Variants in WASF3 observed in about 807,000 individuals in gnomAD.
WASF3 encodes WASP family member 3.
Under a neutral mutation model 46.6 loss-of-function variants are expected in WASF3, and 11 were observed. The ratio of observed to expected loss-of-function variants is 0.24; its 90% CI spans 0.15 to 0.39. The LOEUF is 0.39. WASF3 is among the 10% of genes least tolerant of loss of function. The pLI, the probability that WASF3 is intolerant of heterozygous loss-of-function variation, is 1.00. For missense variants in WASF3, 576 were observed against 669.8 expected (o/e 0.86, Z 1.55); for synonymous variants, 242 against 259.7 (o/e 0.93, Z 0.65).
intron 7 of WASF3, among the ~76,000 whole-genome samples, chr13:26,677,310 T>C (rs1372198904): frequency 6.6e-6 from 1 of 152,256 alleles, no homozygotes; most frequent in African/African-American, 2.4e-5. Context: ...AATGATGTGG[T>C]CATTAAGTCA....
In WASF3 at chr13:26,676,700, A is replaced by G. The variant is rs867486697; in HGVS notation, c.692A>G (p.Glu231Gly). 9 of 1,614,054 alleles carry G rather than the reference A, an allele frequency of 5.6e-6. No homozygotes were observed. The Middle Eastern group carries it at 1.3e-3, about 237-fold the overall frequency. The change falls in exon 7 of 10, where the codon GAG (glutamate) becomes GGG (glycine). Residue 231 changes from glutamate to glycine, a missense_variant. This residue lies in a region of WASF3 where 295 missense variants were observed against 291.5 expected (regional missense o/e 1.01). Coordinates refer to ENST00000335327, the MANE Select transcript of WASF3 (RefSeq NM_006646.6). ...SQSVYHGASS[E>G]GSLSPDTRSH... ...AGTGTGTACCATGGAGCGTCTTCCGAGGGATCCCTGTCCCCAGATACTAGG... is the reference window on the plus strand; with the variant it reads ...AGTGTGTACCATGGAGCGTCTTCCGGGGGATCCCTGTCCCCAGATACTAGG...
chr13:26,617,115 AT>A (rs1280884493), intron 2 of WASF3, among the ~76,000 whole-genome samples: 9 of 152,276 alleles, frequency 5.9e-5, no homozygotes, highest in African/African-American at 2.2e-4. Context: ...TTAAATATGC[AT>A]TCTCACATCT....
chr13:26,554,034 T>TC (rs1879027902), upstream of WASF3, among the ~76,000 whole-genome samples: 2 of 56,298 alleles, frequency 3.6e-5, no homozygotes, highest in Admixed American at 2.1e-4. Flanking sequence ...TCCTTCTTTC[T>TC]CTTTCTTTCC....
intron 2 of WASF3, among the ~76,000 whole-genome samples, chr13:26,626,921 G>A (rs899358260): frequency 6.6e-6 from 1 of 152,150 alleles, no homozygotes; most frequent in Non-Finnish European, 1.5e-5. Flanking sequence ...TATTGTTGAC[G>A]TCTTCAACAA....
intron 1 of WASF3, among the ~76,000 whole-genome samples, chr13:26,585,241 C>T (rs1179395329): frequency 6.8e-6 from 1 of 146,362 alleles, no homozygotes; most frequent in Non-Finnish European, 1.6e-5. Context: ...GATGGAAATC[C>T]AGATGGTATA....
the WASF3 span, among the ~76,000 whole-genome samples, chr13:26,539,904 A>G: frequency 6.6e-6 from 1 of 152,112 alleles, no homozygotes; most frequent in Non-Finnish European, 1.5e-5. Context: ...GTTACCTTCT[A>G]CAGGTCAAAG....
At chr13:26,606,523 T>A (rs1034339572) in intron 1 of WASF3, 17 of 134,088 alleles carry the variant, frequency 1.3e-4, no homozygotes, top group Admixed American at 1.2e-3. Flanking sequence ...GCCCAGCTAA[T>A]TTTTTTTTTT....
At chr13:26,573,551 T>A (rs1879701837) in intron 1 of WASF3, among the ~76,000 whole-genome samples, 1 of 152,176 alleles carries the variant, frequency 6.6e-6, no homozygotes, top group African/African-American at 2.4e-5. Context: ...TAGGTTCTCA[T>A]TATCTCTCAG....
chr13:26,632,783 C>A (rs1022614808), intron 2 of WASF3, among the ~76,000 whole-genome samples: 8 of 152,120 alleles, frequency 5.3e-5, no homozygotes, highest in Non-Finnish European at 7.3e-5. Context: ...TAGAATTAGG[C>A]TGTGAATCTG....
intron 3 of WASF3, among the ~76,000 whole-genome samples, chr13:26,650,707 C>T (rs1201445716): frequency 6.6e-6 from 1 of 151,922 alleles, no homozygotes; most frequent in African/African-American, 2.4e-5. Context: ...TTTTTAAATG[C>T]CAGAACTGAA....
At chr13:26,627,670 A>G (rs1881510336) in intron 2 of WASF3, among the ~76,000 whole-genome samples, 1 of 152,186 alleles carries the variant, frequency 6.6e-6, no homozygotes, top group African/African-American at 2.4e-5. Context: ...AGGAAGTAAA[A>G]TTAGCTACCC....
intron 1 of WASF3, among the ~76,000 whole-genome samples, chr13:26,582,989 C>A (rs1469172687): frequency 6.6e-6 from 1 of 152,192 alleles, no homozygotes; most frequent in Admixed American, 6.5e-5. Flanking sequence ...AAGATAATGA[C>A]AGGCACCTCT....
chr13:26,558,686 G>A (rs1351567496), intron 1 of WASF3, among the ~76,000 whole-genome samples: 2 of 152,168 alleles, frequency 1.3e-5, no homozygotes, highest in Non-Finnish European at 2.9e-5. Flanking sequence ...GGGATCAATG[G>A]GAGCATCATA....
intron 3 of WASF3, among the ~76,000 whole-genome samples, chr13:26,645,199 A>G (rs1882113888): frequency 6.6e-6 from 1 of 152,182 alleles, no homozygotes; most frequent in African/African-American, 2.4e-5. Flanking sequence ...TGGAGTCCTC[A>G]TCAATAAGAT....
At chr13:26,577,251 C>T (rs1246440607) in intron 1 of WASF3, 2 of 736,572 alleles carry the variant, frequency 2.7e-6, no homozygotes, top group Non-Finnish European at 5.0e-6. Flanking sequence ...GATTAAAGCT[C>T]ATGTTGATGT....
At chr13:26,559,788 T>TTTTCTTTTC (rs1555246391) in intron 1 of WASF3, among the ~76,000 whole-genome samples, 5 of 80,546 alleles carry the variant, frequency 6.2e-5, no homozygotes, top group East Asian at 3.6e-4. Context: ...TTTTCTTTTC[T>TTTTCTTTTC]TTTCTTTCTT....
intron 5 of WASF3, among the ~76,000 whole-genome samples, chr13:26,670,056 C>T (rs926563889): frequency 1.3e-5 from 2 of 152,126 alleles, no homozygotes; most frequent in Non-Finnish European, 2.9e-5. Context: ...CACATGCACA[C>T]GTATGTTTAT....
chr13:26,572,604 C>T (rs1226217245), intron 1 of WASF3, among the ~76,000 whole-genome samples: 3 of 152,062 alleles, frequency 2.0e-5, no homozygotes, highest in East Asian at 1.9e-4. Context: ...TTTGCTCTGT[C>T]GCCCAGGCTG....
intron 2 of WASF3, chr13:26,626,179 A>T (rs1011578760): frequency 7.9e-5 from 12 of 152,208 alleles, no homozygotes; most frequent in Admixed American, 2.0e-4. Context: ...GCAAGTGGGG[A>T]CTTATAGCCA....
Sources: allele counts gnomAD v4.1 joint callset (sites outside exome capture counted in the v4.1 genomes callset), GRCh38; gene constraint gnomAD v4.1.1; regional missense constraint gnomAD v4.1.1; transcripts MANE v1.5; gene names NCBI Gene and HGNC (gene_info 2026-07-23, HGNC 2026-07-21).